TAF4B: variants seen among roughly 807,000 people sequenced by gnomAD.
The protein encoded by TAF4B is transcription initiation factor TFIID subunit 4B.
Under a neutral mutation model 86.4 loss-of-function variants are expected in TAF4B, and 38 were observed. The observed-to-expected ratio is 0.44, with a 90% CI of 0.34 to 0.58. The LOEUF (loss-of-function observed/expected upper bound fraction) is 0.58. Among genes scored for constraint, TAF4B ranks in the 20% least tolerant of loss-of-function variants. TAF4B has a pLI of 0.02. For missense variants in TAF4B, 988 were observed against 1,027.6 expected (o/e 0.96, Z 0.53); for synonymous variants, 388 against 391.2 (o/e 0.99, Z 0.10).
intron 14 of TAF4B, among the ~76,000 whole-genome samples, chr18:26,361,292 T>TA (rs1448229805): frequency 2.7e-5 from 1 of 36,792 alleles, no homozygotes; most frequent in Non-Finnish European, 7.3e-5. Context: ...TAATTTTAAT[T>TA]TTTTTTTTTT....
intron 9 of TAF4B, among the ~76,000 whole-genome samples, chr18:26,296,906 G>A (rs1162374237): frequency 3.0e-5 from 2 of 65,706 alleles, no homozygotes; most frequent in South Asian, 6.7e-4. Flanking sequence ...TTGGGAGGCC[G>A]AGGCAGGTGG....
chr18:26,343,803 G>T (rs1157756778), intron 13 of TAF4B, among the ~76,000 whole-genome samples: 3 of 152,086 alleles, frequency 2.0e-5, no homozygotes, highest in Non-Finnish European at 4.4e-5. Flanking sequence ...ATGGATTTTG[G>T]TGTACCTCGG....
Position 26,272,152 on chromosome 18 carries a change from C to G in TAF4B, c.598-2511C>G, listed in dbSNP as rs773520574. ...ACCCCTCCTCCTCCCAGTGGGCAGGCGCGTGGGGGATTCTTCTGGAACCTT... is the reference window on the plus strand; with the variant it reads ...ACCCCTCCTCCTCCCAGTGGGCAGGGGCGTGGGGGATTCTTCTGGAACCTT... On this transcript the variant is annotated intron_variant, in intron 3 of 14. Transcript: ENST00000269142. Among the ~76,000 whole-genome samples, 4 of 152,182 alleles carry G rather than the reference C, an allele frequency of 2.6e-5. No homozygotes were observed. The South Asian group carries it at 8.3e-4, about 32-fold the overall frequency.
At chr18:26,343,079 A>G (rs1238436614) in intron 13 of TAF4B, among the ~76,000 whole-genome samples, 1 of 152,230 alleles carries the variant, frequency 6.6e-6, no homozygotes, top group Non-Finnish European at 1.5e-5. Flanking sequence ...GGTAAATAGT[A>G]AACAGATTGG....
chr18:26,261,180 T>TC (rs2056160631), intron 1 of TAF4B, among the ~76,000 whole-genome samples: 2 of 121,794 alleles, frequency 1.6e-5, no homozygotes, highest in South Asian at 5.3e-4. Flanking sequence ...TCATTTTTTT[T>TC]TTTTTTTTTT....
chr18:26,287,349 A>G (rs1008546801), intron 7 of TAF4B, among the ~76,000 whole-genome samples: 2 of 152,006 alleles, frequency 1.3e-5, no homozygotes, highest in East Asian at 1.9e-4. Context: ...GTTGTTTATT[A>G]TATTGTAATG....
chr18:26,297,134 TA>T (rs34976057), intron 9 of TAF4B, among the ~76,000 whole-genome samples: 30,024 of 138,134 alleles, frequency 0.22, 4,623 homozygotes, highest in African/African-American at 0.47. Flanking sequence ...ACTGTCTCAT[TA>T]AAAAAAAAAA....
At chr18:26,273,586 G>A (rs1434242522) in intron 3 of TAF4B, among the ~76,000 whole-genome samples, 4 of 152,000 alleles carry the variant, frequency 2.6e-5, no homozygotes, top group Non-Finnish European at 5.9e-5. Flanking sequence ...CTAGAGACAG[G>A]GTCTTGTTAG....
At chr18:26,255,625 C>G in intron 1 of TAF4B, 1 of 566,876 alleles carries the variant, frequency 1.8e-6, no homozygotes, top group Non-Finnish European at 2.9e-6. Context: ...AAAAGAGGGT[C>G]AGTTTGTTGC....
intron 1 of TAF4B, among the ~76,000 whole-genome samples, chr18:26,250,897 G>A (rs2144498323): frequency 6.6e-6 from 1 of 152,236 alleles, no homozygotes; most frequent in East Asian, 1.9e-4. Flanking sequence ...GGATAGGGGA[G>A]ATATACCATA....
chr18:26,339,737 T>C (rs764277196), intron 13 of TAF4B, among the ~76,000 whole-genome samples: 2 of 152,264 alleles, frequency 1.3e-5, no homozygotes, highest in Non-Finnish European at 2.9e-5. Flanking sequence ...TTATGTGTCC[T>C]AGATTAAAAT....
At chr18:26,298,554 A>G (rs1438877273) in intron 9 of TAF4B, among the ~76,000 whole-genome samples, 3 of 148,598 alleles carry the variant, frequency 2.0e-5, no homozygotes, top group Non-Finnish European at 4.5e-5. Context: ...ATTTTAAGAA[A>G]CAAGGTCTTG....
In TAF4B at chr18:26,286,371, G is replaced by T; in HGVS notation, c.1462G>T (p.Val488Phe). 1 of 1,614,194 alleles carries T rather than the reference G, an allele frequency of 6.2e-7. No homozygotes were observed. Among genetic ancestry groups the T allele is most frequent in the Non-Finnish European group, 8.5e-7 (1 of 1,180,028 alleles). Residue 488 changes from valine to phenylalanine, a missense_variant, in exon 7 of 15, where the codon GTT becomes TTT. Around this residue, in one of 3 missense-constraint regions of TAF4B, gnomAD observed 747 missense variants for 737.9 expected, o/e 1.01. Transcript: ENST00000269142. ...TTGTCTTCCATCTGTGAAACCTGTT[G>T]TTTCTTCTGCTGGGACCACATCTGA... ...AICLPSVKPV[V>F]SSAGTTSDKP...
chr18:26,252,156 C>T (rs1281364893), intron 1 of TAF4B, among the ~76,000 whole-genome samples: 1 of 152,092 alleles, frequency 6.6e-6, no homozygotes, highest in Non-Finnish European at 1.5e-5. Flanking sequence ...CGTTTTTCAA[C>T]GTGTTTTTTA....
At chr18:26,271,759 A>G (rs1244146493) in intron 3 of TAF4B, among the ~76,000 whole-genome samples, 1 of 151,950 alleles carries the variant, frequency 6.6e-6, no homozygotes, top group East Asian at 1.9e-4. Flanking sequence ...CCCTGTCTCT[A>G]CTAAACATTC....
intron 1 of TAF4B, among the ~76,000 whole-genome samples, chr18:26,243,292 C>CT (rs2055869672): frequency 6.6e-6 from 1 of 151,380 alleles, no homozygotes. Context: ...TTTTTTTATT[C>CT]TTTTTTCTCT....
At chr18:26,384,313 A>T (rs1290623233) in intron 14 of TAF4B, among the ~76,000 whole-genome samples, 1 of 152,220 alleles carries the variant, frequency 6.6e-6, no homozygotes, top group Non-Finnish European at 1.5e-5. Flanking sequence ...TATTAGTCGT[A>T]GGATTCAGGG....
chr18:26,337,727 A>C (rs756139213), intron 13 of TAF4B, among the ~76,000 whole-genome samples: 4 of 152,068 alleles, frequency 2.6e-5, no homozygotes, highest in Non-Finnish European at 5.9e-5. Context: ...CTGGCTAACC[A>C]TATCTTAATA....
Position 26,363,106 on chromosome 18 carries a change from C to T in TAF4B, c.2421+5312C>T, listed in dbSNP as rs151271191. 4.2e-3 allele frequency among the ~76,000 whole-genome samples: 643 copies of T among 151,826 alleles called. 2 individuals are homozygous for T. Among genetic ancestry groups the T allele is most frequent in the Middle Eastern group, 6.8e-3 (2 of 294 alleles). On this transcript the variant is annotated intron_variant, in intron 14 of 14. Transcript: ENST00000269142. ...TATCTATATCTTGGTGCCAGTCCCCCGAGGATACCAAGGGATGACTATAAT... is the reference window on the plus strand; with the variant it reads ...TATCTATATCTTGGTGCCAGTCCCCTGAGGATACCAAGGGATGACTATAAT...
Sources: gnomAD v4.1 joint callset for allele counts (sites outside exome capture counted in the v4.1 genomes callset) on GRCh38, gnomAD v4.1.1 for gene constraint, gnomAD v4.1.1 regional missense constraint, MANE v1.5 for transcripts, NCBI Gene and HGNC (gene_info 2026-07-23, HGNC 2026-07-21) for gene names.